Variants in NELL1 observed in about 807,000 individuals in gnomAD.
NELL1 encodes neural EGFL like 1, also known as protein kinase C-binding protein NELL1.
A neutral mutation model predicts 107.4 loss-of-function variants in NELL1; 76 were observed. That is an observed-to-expected ratio of 0.71 (90% CI 0.59 to 0.86). NELL1 has a LOEUF of 0.86. NELL1 is among the 40% of genes least tolerant of loss of function. The pLI, the probability that NELL1 is intolerant of heterozygous loss-of-function variation, is 0.00. For missense variants in NELL1, 1,024 were observed against 1,005.5 expected (o/e 1.02, Z -0.25); for synonymous variants, 353 against 341.2 (o/e 1.03, Z -0.38).
At chr11:21,118,282 G>A (rs1855284062) in intron 13 of NELL1, among the ~76,000 whole-genome samples, 1 of 152,026 alleles carries the variant, frequency 6.6e-6, no homozygotes, top group Admixed American at 6.6e-5. Context: ...CTATGTTAGG[G>A]ATTTACAATG....
At chr11:21,000,085 T>A (rs1450943903) in intron 12 of NELL1, among the ~76,000 whole-genome samples, 1 of 152,136 alleles carries the variant, frequency 6.6e-6, no homozygotes. Context: ...GTGTTGGCAA[T>A]GATTGACTAA....
At position 20,814,184 on chromosome 11, in the gene NELL1, T is replaced by C. The variant is rs542535025; in HGVS notation, c.335+30354T>C. Among the ~76,000 whole-genome samples the C allele has an allele frequency of 5.0e-3, 759 of 152,076 alleles. 6 individuals carry two copies. The highest frequency in any genetic ancestry group is 0.033 in the East Asian group (171 of 5,164). ...CTAATTTTTGCATTTTTAGTAGAGA[T>C]GGGGTTTCACCGTGTTAGCCAGGAT... is the stretch of plus-strand genomic sequence containing the variant. On this transcript the variant is annotated intron_variant, in intron 3 of 19. Transcript: ENST00000357134.
intron 2 of NELL1, among the ~76,000 whole-genome samples, chr11:20,685,987 A>G (rs991884262): frequency 9.9e-5 from 15 of 152,112 alleles, no homozygotes; most frequent in African/African-American, 3.4e-4. Context: ...AATGTATTCA[A>G]GCCTCAGTTT....
chr11:21,045,532 C>A (rs1476227304), intron 12 of NELL1, among the ~76,000 whole-genome samples: 1 of 152,178 alleles, frequency 6.6e-6, no homozygotes, highest in East Asian at 1.9e-4. Context: ...TCCTCACAAT[C>A]TGTATTAGCA....
chr11:21,061,700 G>A (rs370645576), intron 12 of NELL1, among the ~76,000 whole-genome samples: 4 of 152,126 alleles, frequency 2.6e-5, no homozygotes, highest in East Asian at 3.9e-4. Flanking sequence ...GATAGTCTTC[G>A]CTGATACTTC....
chr11:21,093,091 G>A (rs1854558036), intron 12 of NELL1, among the ~76,000 whole-genome samples: 1 of 152,146 alleles, frequency 6.6e-6, no homozygotes, highest in Non-Finnish European at 1.5e-5. Flanking sequence ...AGGAGGAAAA[G>A]CCCGATTTGT....
At chr11:20,843,395 C>T (rs886972789) in intron 3 of NELL1, among the ~76,000 whole-genome samples, 1 of 152,030 alleles carries the variant, frequency 6.6e-6, no homozygotes, top group Admixed American at 6.6e-5. Context: ...TGTAGAATAA[C>T]TGGAAAAGAG....
chr11:21,411,151 A>G (rs545355642), intron 15 of NELL1, among the ~76,000 whole-genome samples: 1 of 152,176 alleles, frequency 6.6e-6, no homozygotes, highest in African/African-American at 2.4e-5. Context: ...GTAGTATCTA[A>G]TTTTCAAGGT....
intron 2 of NELL1, among the ~76,000 whole-genome samples, chr11:20,748,341 G>A (rs572416366): frequency 3.9e-5 from 6 of 152,154 alleles, no homozygotes; most frequent in African/African-American, 1.4e-4. Flanking sequence ...TGCCTCTTGG[G>A]TACATTTTAG....
At chr11:20,670,822 C>T (rs1273214523) in intron 1 of NELL1, among the ~76,000 whole-genome samples, 1 of 152,094 alleles carries the variant, frequency 6.6e-6, no homozygotes, top group Non-Finnish European at 1.5e-5. Flanking sequence ...ATTCCCTTTC[C>T]CTTTATTCTC....
intron 13 of NELL1, among the ~76,000 whole-genome samples, chr11:21,169,441 T>G (rs2123802): frequency 0.62 from 93,954 of 151,366 alleles, 29,564 homozygotes; most frequent in Admixed American, 0.73. Flanking sequence ...TCTATTTTTT[T>G]GTTCACATGT....
At chr11:20,755,550 G>GTTTTTTTTTTTTT (rs1226891368) in intron 2 of NELL1, among the ~76,000 whole-genome samples, 2 of 114,568 alleles carry the variant, frequency 1.7e-5, no homozygotes, top group African/African-American at 8.9e-5. Flanking sequence ...GTTTTTTTTT[G>GTTTTTTTTTTTTT]TTTTTGTTTT....
At chr11:20,987,420 G>A (rs1177715368) in intron 12 of NELL1, among the ~76,000 whole-genome samples, 1 of 152,162 alleles carries the variant, frequency 6.6e-6, no homozygotes, top group Non-Finnish European at 1.5e-5. Flanking sequence ...ATAAAGGAAA[G>A]AGGTTTTAAT....
intron 12 of NELL1, among the ~76,000 whole-genome samples, chr11:20,982,528 C>A (rs1322788939): frequency 1.3e-5 from 2 of 152,170 alleles, no homozygotes; most frequent in African/African-American, 2.4e-5. Flanking sequence ...CTCACCTGTT[C>A]AATGGTAGTA....
intron 4 of NELL1, among the ~76,000 whole-genome samples, chr11:20,876,370 C>G (rs1026727103): frequency 1.3e-5 from 2 of 152,222 alleles, no homozygotes; most frequent in African/African-American, 4.8e-5. Flanking sequence ...CAGAGTTCCT[C>G]TTTGGGCCAT....
intron 10 of NELL1, among the ~76,000 whole-genome samples, chr11:20,942,326 C>G (rs1850872390): frequency 1.3e-5 from 2 of 152,256 alleles, no homozygotes; most frequent in African/African-American, 4.8e-5. Flanking sequence ...TCCAGGTGGT[C>G]TGGTGGGCAT....
rs554505186 is a variant in NELL1 at position 21,093,696 on chromosome 11, A to C, written c.1301-19893A>C. On this transcript the variant is annotated intron_variant, in intron 12 of 19. Coordinates refer to ENST00000357134, the MANE Select transcript of NELL1 (RefSeq NM_006157.5). ...CAATGAGGAGCAAGTCACGTCTTACATGGATGGCAGCAGGCAAAAAGAGAG... is the reference window on the plus strand; with the variant it reads ...CAATGAGGAGCAAGTCACGTCTTACCTGGATGGCAGCAGGCAAAAAGAGAG... Among the ~76,000 whole-genome samples the C allele has an allele frequency of 2.8e-4, 43 of 152,360 alleles. 2 individuals are homozygous for C. The South Asian group carries it at 7.0e-3, about 25-fold the overall frequency.
intron 7 of NELL1, among the ~76,000 whole-genome samples, chr11:20,922,036 C>T (rs867717943): frequency 3.3e-4 from 50 of 151,988 alleles, no homozygotes; most frequent in African/African-American, 1.2e-3. Context: ...AAGGTCTGAA[C>T]ATGAAAGTTT....
chr11:21,093,094 C>T (rs951716228), intron 12 of NELL1, among the ~76,000 whole-genome samples: 4 of 151,872 alleles, frequency 2.6e-5, no homozygotes, highest in Admixed American at 2.0e-4. Flanking sequence ...AGGAAAAGCC[C>T]GATTTGTAGT....
Sources: allele counts gnomAD v4.1 joint callset (sites outside exome capture counted in the v4.1 genomes callset), GRCh38; gene constraint gnomAD v4.1.1; transcripts MANE v1.5; gene names NCBI Gene and HGNC (gene_info 2026-07-23, HGNC 2026-07-21).